Variants in ZNF516 observed in about 807,000 individuals in gnomAD.
ZNF516 encodes zinc finger protein 516.
In ZNF516, 19 loss-of-function variants were observed where a neutral mutation model predicts 79.7. The observed-to-expected ratio is 0.24, with a 90% CI of 0.17 to 0.35. The LOEUF is 0.35. Ranked by LOEUF, ZNF516 falls within the 10% of genes least tolerant of loss-of-function variation. The probability of loss-of-function intolerance (pLI) is 1.00; values close to 1 mark genes in which losing one functional copy is unlikely to be tolerated. For synonymous variants in ZNF516, 877 were observed against 739.5 expected (o/e 1.19, Z -3.02); for missense variants, 1,678 against 1,679.5 (o/e 1.00, Z 0.02).
chr18:76,372,298 A>G (rs1351465062), intron 4 of ZNF516, among the ~76,000 whole-genome samples: 1 of 152,298 alleles, frequency 6.6e-6, no homozygotes, highest in African/African-American at 2.4e-5. Context: ...AGGGATGCAG[A>G]GAGCGTTTAT....
intron 6 of ZNF516, 102 bp from the exon 7 acceptor site, chr18:76,362,659 A>G: frequency 8.2e-7 from 1 of 1,214,500 alleles, no homozygotes; most frequent in Non-Finnish European, 1.2e-6. Context: ...CCAAGAACAC[A>G]AACAATGACC....
chr18:76,440,725 AGT>A (rs71881300), intron 3 of ZNF516, among the ~76,000 whole-genome samples: 137 of 118,840 alleles, frequency 1.2e-3, no homozygotes, highest in African/African-American at 4.0e-3. Flanking sequence ...AGTGGAGGAA[AGT>A]GTGTGTGTGT....
rs556649270 is a variant in ZNF516 at position 76,419,500 on chromosome 18, T to C, written c.1810+21745A>G. Reference sequence around the variant, plus strand: ...ATAAAATACTTCAATTTCACAACAGTTGGATATGATCCGGCTGCGTCCCCA... The same window carrying C: ...ATAAAATACTTCAATTTCACAACAGCTGGATATGATCCGGCTGCGTCCCCA... On this transcript the variant is annotated intron_variant, in intron 3 of 6. Coordinates refer to ENST00000443185, the MANE Select transcript of ZNF516 (RefSeq NM_014643.4). Among the ~76,000 whole-genome samples, 5 of 152,274 alleles carry C rather than the reference T, an allele frequency of 3.3e-5. No individual in the cohort carries two copies. In the South Asian group the frequency reaches 6.2e-4, roughly 19 times the overall value.
At chr18:76,449,293 G>C (rs55763305) in intron 2 of ZNF516, among the ~76,000 whole-genome samples, 44,655 of 152,100 alleles carry the variant, frequency 0.29, 8,055 homozygotes, top group East Asian at 0.45. Flanking sequence ...CCGGTGTCTA[G>C]AGCCCTGAGC....
At chr18:76,404,342 T>A (rs1311624088) in intron 3 of ZNF516, among the ~76,000 whole-genome samples, 22 of 125,066 alleles carry the variant, frequency 1.8e-4, no homozygotes, top group Non-Finnish European at 2.6e-4. Flanking sequence ...TGTGTATGTG[T>A]GAGTGCATAT....
At chr18:76,403,569 C>G (rs2075260240) in intron 3 of ZNF516, among the ~76,000 whole-genome samples, 1 of 152,120 alleles carries the variant, frequency 6.6e-6, no homozygotes, top group Admixed American at 6.5e-5. Context: ...TACAGAGCAC[C>G]CAGCCCTGAC....
intron 3 of ZNF516, among the ~76,000 whole-genome samples, chr18:76,381,313 G>GA (rs1165408706): frequency 2.6e-5 from 4 of 152,112 alleles, no homozygotes; most frequent in Non-Finnish European, 5.9e-5. Context: ...TCTAGACATC[G>GA]AAACAGGGCA....
Position 76,441,629 on chromosome 18 carries a change from G to C in ZNF516, c.1426C>G (p.Pro476Ala). 6.6e-7 allele frequency: 1 copy of C among 1,517,134 alleles called. No homozygotes were observed. Among genetic ancestry groups the C allele is most frequent in the Non-Finnish European group, 8.8e-7 (1 of 1,132,916 alleles). 94.0% of individuals were successfully genotyped at this position (1,517,134 alleles called of 1,614,324 possible). Reference protein sequence around the residue: ...REQDAPAAQGPPRKRASGPGD... With the variant: ...REQDAPAAQGAPRKRASGPGD... ...GGCCCGCTCGCGCGCTTCCGCGGGGGCCCCTGCGCGGCTGGTGCATCCTGC... is the reference window on the plus strand; with the variant it reads ...GGCCCGCTCGCGCGCTTCCGCGGGGCCCCCTGCGCGGCTGGTGCATCCTGC... Residue 476 changes from proline (P) to alanine (A), a missense_variant, in exon 3 of 7, where the codon CCC (proline) becomes GCC (alanine). Around this residue, in one of 5 missense-constraint regions of ZNF516, gnomAD observed 1,294 missense variants for 1,248.3 expected, o/e 1.04. Transcript: ENST00000443185.
At chr18:76,450,868 C>G (rs1912366865) in intron 2 of ZNF516, among the ~76,000 whole-genome samples, 2 of 152,138 alleles carry the variant, frequency 1.3e-5, no homozygotes, top group Non-Finnish European at 2.9e-5. Flanking sequence ...TGAATTAAAC[C>G]AGTACAAAAC....
intron 1 of ZNF516, among the ~76,000 whole-genome samples, chr18:76,486,684 A>AG (rs1432588350): frequency 1.2e-4 from 9 of 75,494 alleles, no homozygotes; most frequent in Non-Finnish European, 2.0e-4. Flanking sequence ...CTGGTTTTGA[A>AG]GGAAAAAAAA....
At position 76,459,657 on chromosome 18, in the gene ZNF516, C is replaced by T. The variant is rs576717235; in HGVS notation, c.-158+3371G>A. Among the ~76,000 whole-genome samples the T allele has an allele frequency of 5.9e-5, 9 of 152,312 alleles. No homozygotes were observed. The highest frequency in any genetic ancestry group is 2.2e-4 in the African/African-American group (9 of 41,564). ...GCCCGAGTCAGAGTGGCCCAGCCTC[C>T]CCTGGACCTGATGCGGGGCTTCAGG... On this transcript the variant is annotated intron_variant, in intron 2 of 6. Transcript: ENST00000443185. This position sits in a 1 kb window ranked among gnomAD's most constrained non-coding sequence, Gnocchi z 5.0.
At chr18:76,383,220 T>C (rs1469163745) in intron 3 of ZNF516, among the ~76,000 whole-genome samples, 1 of 152,100 alleles carries the variant, frequency 6.6e-6, no homozygotes, top group Admixed American at 6.5e-5. Context: ...ACTGAAGCTA[T>C]TCGCAGAAGC....
chr18:76,457,742 T>A (rs1479986383), intron 2 of ZNF516, among the ~76,000 whole-genome samples: 2 of 151,986 alleles, frequency 1.3e-5, no homozygotes, highest in East Asian at 3.9e-4. Flanking sequence ...AAGAGTGATA[T>A]GGGGGCAACT....
intron 3 of ZNF516, among the ~76,000 whole-genome samples, chr18:76,381,435 C>A (rs759553224): frequency 6.6e-6 from 1 of 152,144 alleles, no homozygotes; most frequent in Non-Finnish European, 1.5e-5. Context: ...CGTATAAGGC[C>A]CCAAGTTCTT....
At chr18:76,376,925 C>G (rs1165724974) in intron 4 of ZNF516, among the ~76,000 whole-genome samples, 1 of 152,210 alleles carries the variant, frequency 6.6e-6, no homozygotes. Flanking sequence ...GCATCCACAA[C>G]AGCACAGACC....
At chr18:76,417,559 T>C (rs983167829) in intron 3 of ZNF516, among the ~76,000 whole-genome samples, 1 of 152,242 alleles carries the variant, frequency 6.6e-6, no homozygotes, top group African/African-American at 2.4e-5. Flanking sequence ...TTAAGTAATC[T>C]TCCATAAAAA....
chr18:76,435,341 A>C lies in ZNF516; in HGVS notation c.1810+5904T>G, dbSNP rs571555954. On this transcript the variant is annotated intron_variant, in intron 3 of 6. Transcript: ENST00000443185. ...GGTCAGAAAATGTAGCACTCTGTTCAAGCAAATATCAGCATGCATGCCATG... is the reference window on the plus strand; with the variant it reads ...GGTCAGAAAATGTAGCACTCTGTTCCAGCAAATATCAGCATGCATGCCATG... Among the ~76,000 whole-genome samples, 23 of 152,376 alleles carry C rather than the reference A, an allele frequency of 1.5e-4. No individual in the cohort carries two copies. In the South Asian group the frequency reaches 3.5e-3, roughly 23 times the overall value.
rs1369286616 is a variant in ZNF516, at chr18:76,379,725, G to A, written c.2389C>T (p.Pro797Ser). 1 of 1,613,876 alleles carries A rather than the reference G, an allele frequency of 6.2e-7. No individual in the cohort carries two copies. The highest frequency in any genetic ancestry group is 1.1e-5 in the South Asian group (1 of 91,078). ...CTTCTGATGCTTTTGTAACCATTGG[G>A]CTGAATCCACGGGGGAGCCACGGAG... ...CNSVAPPWIQ[P>S]NGYKSIRSNL... is the part of the protein sequence containing the mutation. The change falls in exon 4 of 7, where the codon CCC (proline) becomes TCC (serine). Residue 797 changes from proline to serine, a missense_variant. Coordinates refer to ENST00000443185, the MANE Select transcript of ZNF516 (RefSeq NM_014643.4).
chr18:76,492,129 G>A, intron 1 of ZNF516: 1 of 983,394 alleles, frequency 1.0e-6, no homozygotes, highest in Non-Finnish European at 1.2e-6. Context: ...GTGGGCACGT[G>A]GGTCCTTAAC....
Sources: allele counts gnomAD v4.1 joint callset (sites outside exome capture counted in the v4.1 genomes callset), GRCh38; gene constraint gnomAD v4.1.1; regional missense constraint gnomAD v4.1.1; non-coding constraint Gnocchi (gnomAD v3.1); transcripts MANE v1.5; gene names NCBI Gene and HGNC (gene_info 2026-07-23, HGNC 2026-07-21).